Variants in MADD observed in about 807,000 individuals in gnomAD.
MADD encodes MAP kinase-activating death domain protein.
A neutral mutation model predicts 176.7 loss-of-function variants in MADD; 109 were observed. The observed-to-expected ratio is 0.62, with a 90% confidence interval of 0.53 to 0.72. The LOEUF (loss-of-function observed/expected upper bound fraction) is 0.72, where lower values mean the gene tolerates loss of function less well. MADD is among the 30% of genes least tolerant of loss of function. MADD has a pLI of 0.00. For missense variants in MADD, 1,914 were observed against 2,045.5 expected (o/e 0.94, Z 1.24); for synonymous variants, 771 against 771.3 (o/e 1.00, Z 0.01).
chr11:47,323,280 C>T (rs931401108), intron 27 of MADD, among the ~76,000 whole-genome samples: 2 of 151,516 alleles, frequency 1.3e-5, no homozygotes, highest in Admixed American at 1.3e-4. Context: ...ATGGTGTGCA[C>T]CTGTAGTCCC....
intron 28 of MADD, chr11:47,324,061 T>C: frequency 1.6e-6 from 1 of 643,688 alleles, no homozygotes; most frequent in Non-Finnish European, 2.7e-6. Context: ...TCTGTACCCA[T>C]GCCTTCTTTA....
intron 22 of MADD, among the ~76,000 whole-genome samples, chr11:47,307,501 A>G (rs2083841825): frequency 6.6e-6 from 1 of 152,184 alleles, no homozygotes; most frequent in Non-Finnish European, 1.5e-5. Context: ...TTAGTAAAAT[A>G]TTGGGCTGTG....
At chr11:47,300,224 T>A (rs1430596320) in intron 22 of MADD, among the ~76,000 whole-genome samples, 3 of 150,088 alleles carry the variant, frequency 2.0e-5, no homozygotes, top group Admixed American at 6.6e-5. Flanking sequence ...TTTTTTTTTT[T>A]AAGACGGAGT....
At chr11:47,296,835 C>G (rs1441597898) in intron 22 of MADD, among the ~76,000 whole-genome samples, 2 of 147,928 alleles carry the variant, frequency 1.4e-5, no homozygotes, top group African/African-American at 5.0e-5. Flanking sequence ...GGCACAGTCA[C>G]TGCTCAACTG....
At chr11:47,316,473 C>T (rs1368519543) in intron 27 of MADD, among the ~76,000 whole-genome samples, 1 of 150,248 alleles carries the variant, frequency 6.7e-6, no homozygotes, top group Non-Finnish European at 1.5e-5. Context: ...ACTGCAACCT[C>T]CACCTCCTGG....
At chr11:47,286,806 A>T (rs543183820) in intron 15 of MADD, among the ~76,000 whole-genome samples, 8 of 152,164 alleles carry the variant, frequency 5.3e-5, no homozygotes, top group Non-Finnish European at 1.2e-4. Flanking sequence ...AGGGTATATG[A>T]TTAACATAGG....
At chr11:47,283,974 C>T (rs1314418995) in intron 10 of MADD, among the ~76,000 whole-genome samples, 1 of 152,274 alleles carries the variant, frequency 6.6e-6, no homozygotes, top group African/African-American at 2.4e-5. Flanking sequence ...TCCCAAAGTG[C>T]TTGGATTACA....
At chr11:47,328,764 G>A (rs944954568) in intron 32 of MADD, 60 bp downstream of exon 36, 20 of 1,607,586 alleles carry the variant, frequency 1.2e-5, no homozygotes, top group Admixed American at 1.7e-5. Context: ...GGGGACCTTC[G>A]GACAGGAGGA....
exon 28 of MADD, chr11:47,323,740 C>T (rs1158250034): frequency 6.2e-7 from 1 of 1,614,114 alleles, no homozygotes; most frequent in South Asian, 1.1e-5. Context: ...GTACGAGAAG[C>T]TCATCAACAT....
intron 15 of MADD, among the ~76,000 whole-genome samples, chr11:47,287,290 C>G (rs938116935): frequency 6.6e-6 from 1 of 152,158 alleles, no homozygotes; most frequent in African/African-American, 2.4e-5. Context: ...CCACTGCACT[C>G]CAGCCTGGGT....
intron 1 of MADD, among the ~76,000 whole-genome samples, chr11:47,271,693 A>T (rs1193980228): frequency 6.6e-6 from 1 of 151,130 alleles, no homozygotes; most frequent in Non-Finnish European, 1.5e-5. Context: ...ACTTTAAGAT[A>T]CTTTGGCTCT....
At chr11:47,317,124 G>T (rs988197854) in intron 27 of MADD, among the ~76,000 whole-genome samples, 1 of 152,084 alleles carries the variant, frequency 6.6e-6, no homozygotes, top group African/African-American at 2.4e-5. Flanking sequence ...ACATTGTCCT[G>T]GTCCTCTTCT....
chr11:47,327,412 A>T (rs2095566691), intron 31 of MADD: 1 of 985,154 alleles, frequency 1.0e-6, no homozygotes, highest in African/African-American at 1.7e-5. Context: ...TGTGCCCCTC[A>T]TCGCTGCTAT....
At chr11:47,276,002 C>T (rs1479805300) in exon 4 of MADD, 1 of 1,614,094 alleles carries the variant, frequency 6.2e-7, no homozygotes, top group African/African-American at 1.3e-5. Context: ...CTATCGATTG[C>T]TGCGCTCCCC....
At chr11:47,275,908 G>T in exon 4 of MADD, 1 of 1,607,538 alleles carries the variant, frequency 6.2e-7, no homozygotes, top group Non-Finnish European at 8.5e-7. Flanking sequence ...GGGACACCAT[G>T]TGGCGGATCT....
At chr11:47,282,612 C>G (rs1285510304) in exon 9 of MADD, 2 of 1,614,056 alleles carry the variant, frequency 1.2e-6, no homozygotes, top group Non-Finnish European at 1.7e-6. Flanking sequence ...AGCGAATTCA[C>G]AACAGTGAGT....
At chr11:47,270,498 G>T (rs1364537240) in intron 1 of MADD, among the ~76,000 whole-genome samples, 1 of 149,418 alleles carries the variant, frequency 6.7e-6, no homozygotes, top group East Asian at 2.0e-4. Flanking sequence ...GTTCAGGTTC[G>T]GGGCGGGGGC....
chr11:47,327,531 C>T, intron 31 of MADD: 1 of 985,430 alleles, frequency 1.0e-6, no homozygotes, highest in Non-Finnish European at 1.2e-6. Context: ...GAACCAGCTC[C>T]TCACACTGCC....
chr11:47,293,957 G>A, exon 20 of MADD: 1 of 1,614,168 alleles, frequency 6.2e-7, no homozygotes, highest in East Asian at 2.2e-5. Context: ...CGCAGACAGT[G>A]GTGTGAGCCT....
Sources: allele counts gnomAD v4.1 joint callset (sites outside exome capture counted in the v4.1 genomes callset), GRCh38; gene constraint gnomAD v4.1.1; transcripts MANE v1.5; gene names NCBI Gene and HGNC (gene_info 2026-07-23, HGNC 2026-07-21).